GHR: variants seen among roughly 807,000 people sequenced by gnomAD.
GHR encodes growth hormone receptor.
GHR carries 35 observed loss-of-function variants against 67.1 expected under a neutral mutation model. The observed-to-expected ratio is 0.52, with a 90% CI of 0.40 to 0.69. GHR has a LOEUF of 0.69. GHR is among the 30% of genes least tolerant of loss of function. The probability of loss-of-function intolerance (pLI) is 0.00; values close to 1 mark genes in which losing one functional copy is unlikely to be tolerated. For missense variants in GHR, 792 were observed against 764.6 expected, an observed-to-expected ratio of 1.04 and a Z score of -0.42; for synonymous variants, 272 against 269.1, an observed-to-expected ratio of 1.01 and a Z score of -0.10.
chr5:42,475,663 C>T (rs910359566), intron 1 of GHR, among the ~76,000 whole-genome samples: 7 of 151,702 alleles, frequency 4.6e-5, no homozygotes, highest in African/African-American at 1.7e-4. Flanking sequence ...GGATCTTCCA[C>T]TGGGTGTAGG....
chr5:42,452,142 C>G (rs1441122999), intron 1 of GHR, among the ~76,000 whole-genome samples: 1 of 152,160 alleles, frequency 6.6e-6, no homozygotes, highest in Admixed American at 6.5e-5. Flanking sequence ...AAAAGACTAT[C>G]TCTCCTTCAT....
intron 1 of GHR, among the ~76,000 whole-genome samples, chr5:42,523,573 C>G (rs1165350198): frequency 6.6e-6 from 1 of 152,124 alleles, no homozygotes; most frequent in Non-Finnish European, 1.5e-5. Context: ...AACTTAATCA[C>G]TAAATGTTGT....
rs115018309 is a variant in GHR, at chr5:42,463,512, G to C, written c.-12+39557G>C. 9.1e-3 allele frequency among the ~76,000 whole-genome samples: 1,391 copies of C among 152,276 alleles called. 19 individuals carry two copies. The highest frequency in any genetic ancestry group is 0.032 in the African/African-American group (1,317 of 41,542). ...TTTTTTGTACTAAAATTTGCGTGCA[G>C]ATGACAATGGGAAAATCAAATGTTT... On this transcript the variant is annotated intron_variant, in intron 1 of 9. Transcript: ENST00000230882.
Position 42,576,099 on chromosome 5 carries a change from T to TAAATAAAATAAAATA in GHR, c.70+10186_70+10200dup, listed in dbSNP as rs1554021413. The stretch of plus-strand genomic sequence containing the variant: ...TAAAATAAAATAAAATAAAATAAAA[T>TAAATAAAATAAAATA]AAATAAAATAAAATAAAATAAAATA... On this transcript the variant is annotated intron_variant, in intron 2 of 9. Transcript: ENST00000230882. 8.7e-4 allele frequency among the ~76,000 whole-genome samples: 60 copies of TAAATAAAATAAAATA among 69,190 alleles called. 1 individual carries two copies. The highest frequency in any genetic ancestry group is 2.7e-3 in the African/African-American group (47 of 17,404). 45.4% of individuals were successfully genotyped at this position (69,190 alleles called of 152,430 possible).
chr5:42,684,816 C>T, intron 3 of GHR, among the ~76,000 whole-genome samples: 1 of 152,140 alleles, frequency 6.6e-6, no homozygotes, highest in East Asian at 1.9e-4. Context: ...AACCTGTGCT[C>T]CCAGGGCTAA....
At chr5:42,547,528 A>G (rs751075641) in intron 1 of GHR, among the ~76,000 whole-genome samples, 3 of 152,092 alleles carry the variant, frequency 2.0e-5, no homozygotes, top group South Asian at 4.1e-4. Flanking sequence ...TTAGTATTTT[A>G]TACCTTTTAG....
chr5:42,534,903 C>T (rs774088023), intron 1 of GHR, among the ~76,000 whole-genome samples: 5 of 151,904 alleles, frequency 3.3e-5, no homozygotes, highest in Non-Finnish European at 7.4e-5. Context: ...ATTGCATTTC[C>T]CTTATCATTA....
intron 8 of GHR, among the ~76,000 whole-genome samples, chr5:42,715,736 T>G (rs1758689401): frequency 6.6e-6 from 1 of 152,230 alleles, no homozygotes; most frequent in African/African-American, 2.4e-5. Context: ...AAAGTGTTTG[T>G]AAAATAGAGA....
Position 42,493,116 on chromosome 5 carries a change from G to A in GHR, c.-12+69161G>A, listed in dbSNP as rs748356824. 5.2e-4 allele frequency among the ~76,000 whole-genome samples: 79 copies of A among 152,160 alleles called. 1 individual carries two copies. The highest frequency in any genetic ancestry group is 2.2e-4 in the African/African-American group (9 of 41,432). The stretch of plus-strand genomic sequence containing the variant: ...TTGTGTTTTCAAAGGGTTACGCCTC[G>A]CAGTGGATGAGTGATTGGGGCGTTT... On this transcript the variant is annotated intron_variant, in intron 1 of 9. Transcript: ENST00000230882.
At chr5:42,522,707 G>A (rs1747529941) in intron 1 of GHR, among the ~76,000 whole-genome samples, 1 of 152,096 alleles carries the variant, frequency 6.6e-6, no homozygotes, top group Admixed American at 6.6e-5. Flanking sequence ...TACTGTTTGA[G>A]CAACTTTTCT....
chr5:42,704,149 G>C (rs761235396), intron 6 of GHR, among the ~76,000 whole-genome samples: 15 of 151,888 alleles, frequency 9.9e-5, no homozygotes, highest in Non-Finnish European at 1.6e-4. Context: ...CCTCATCTTA[G>C]AAGAAAAGCT....
intron 1 of GHR, chr5:42,468,290 CTAGGGCCATGGCTT>C: frequency 6.3e-7 from 1 of 1,576,586 alleles, no homozygotes; most frequent in East Asian, 2.2e-5. Context: ...CGGCATGGGC[CTAGGGCCATGGCTT>C]CTCTCAATTC....
rs549035525 is a variant in GHR at position 42,475,993 on chromosome 5, C to T, written c.-12+52038C>T. The stretch of plus-strand genomic sequence containing the variant: ...GATCTCGGCTCACTGCAAGCTCCGC[C>T]TCCCAGGCTCACGCCATTCTCCTGC... On this transcript the variant is annotated intron_variant, in intron 1 of 9. Transcript: ENST00000230882. Among the ~76,000 whole-genome samples the T allele has an allele frequency of 1.1e-4, 16 of 151,372 alleles. 1 individual carries two copies. Among genetic ancestry groups the T allele is most frequent in the Admixed American group, 9.2e-4 (14 of 15,248 alleles).
intron 1 of GHR, among the ~76,000 whole-genome samples, chr5:42,562,412 C>T (rs1015800905): frequency 5.3e-5 from 8 of 152,152 alleles, no homozygotes; most frequent in Non-Finnish European, 1.2e-4. Context: ...TTATCCTCCT[C>T]CTGGCCCCTG....
At chr5:42,429,535 T>A (rs1509456) in intron 1 of GHR, among the ~76,000 whole-genome samples, 116,771 of 152,224 alleles carry the variant, frequency 0.77, 45,241 homozygotes, top group East Asian at 0.89. Flanking sequence ...ATTACGCTCT[T>A]GATTAATTTC....
chr5:42,609,857 T>C (rs1752804174), intron 2 of GHR, among the ~76,000 whole-genome samples: 1 of 152,220 alleles, frequency 6.6e-6, no homozygotes, highest in Non-Finnish European at 1.5e-5. Context: ...CTCTGTCATA[T>C]GGTACAATAT....
At chr5:42,627,951 G>A (rs1753787397) in intron 2 of GHR, among the ~76,000 whole-genome samples, 1 of 152,202 alleles carries the variant, frequency 6.6e-6, no homozygotes, top group Non-Finnish European at 1.5e-5. Context: ...ATTGAGTAGT[G>A]GAGGTGGCTC....
intron 1 of GHR, among the ~76,000 whole-genome samples, chr5:42,449,244 A>T (rs1423351747): frequency 6.6e-6 from 1 of 152,214 alleles, no homozygotes; most frequent in Non-Finnish European, 1.5e-5. Flanking sequence ...TTTTCACAAT[A>T]TTGATTCTAC....
chr5:42,630,237 TCTAAATCCCTTACATCTC>T (rs1371981765), intron 3 of GHR, among the ~76,000 whole-genome samples: 3 of 132,486 alleles, frequency 2.3e-5, no homozygotes, highest in African/African-American at 9.5e-5. Context: ...TTATGCTTCT[TCTAAATCCCTTACATCTC>T]CTAAAAAAAT....
Sources: gnomAD v4.1 joint callset for allele counts (sites outside exome capture counted in the v4.1 genomes callset) on GRCh38, gnomAD v4.1.1 for gene constraint, MANE v1.5 for transcripts, NCBI Gene and HGNC (gene_info 2026-07-23, HGNC 2026-07-21) for gene names.